Variants in TMEM132D observed in about 807,000 individuals in gnomAD.
TMEM132D encodes the protein transmembrane protein 132D.
Under a neutral mutation model 62.3 loss-of-function variants are expected in TMEM132D, and 21 were observed. The observed-to-expected ratio is 0.34, with a 90% CI of 0.24 to 0.49. TMEM132D has a LOEUF of 0.49. TMEM132D is among the 20% of genes least tolerant of loss of function. The probability of loss-of-function intolerance (pLI) is 0.99; values close to 1 mark genes in which losing one functional copy is unlikely to be tolerated. For missense variants in TMEM132D, 1,346 were observed against 1,402.8 expected, an observed-to-expected ratio of 0.96 and a Z score of 0.65; for synonymous variants, 621 against 575.6, an observed-to-expected ratio of 1.08 and a Z score of -1.13.
chr12:129,704,679 T>C (rs951730334), intron 1 of TMEM132D, among the ~76,000 whole-genome samples: 1 of 146,366 alleles, frequency 6.8e-6, no homozygotes, highest in Non-Finnish European at 1.5e-5. Context: ...CCCCCAGGGA[T>C]GCCGGGTCAT....
At chr12:129,617,623 G>C (rs550647674) in intron 2 of TMEM132D, among the ~76,000 whole-genome samples, 270 of 152,256 alleles carry the variant, frequency 1.8e-3, no homozygotes, top group Middle Eastern at 0.014. Context: ...GAGAGATGGA[G>C]TCACAGGTGC....
intron 1 of TMEM132D, among the ~76,000 whole-genome samples, chr12:129,729,305 TC>T (rs1869140248): frequency 6.6e-6 from 1 of 152,196 alleles, no homozygotes. Flanking sequence ...AATAACTCAG[TC>T]CAGGGTTTCT....
intron 1 of TMEM132D, among the ~76,000 whole-genome samples, chr12:129,859,810 C>T (rs1432024693): frequency 6.6e-6 from 1 of 152,152 alleles, no homozygotes; most frequent in East Asian, 1.9e-4. Flanking sequence ...TGGCCACAGG[C>T]TGATTGGTGG....
intron 3 of TMEM132D, among the ~76,000 whole-genome samples, chr12:129,456,744 C>A (rs932517002): frequency 6.6e-6 from 1 of 152,290 alleles, no homozygotes; most frequent in Admixed American, 6.5e-5. Context: ...CATCCCAGTC[C>A]ACTCTTGTTT....
chr12:129,488,636 G>A (rs1191072317), intron 3 of TMEM132D, among the ~76,000 whole-genome samples: 2 of 152,152 alleles, frequency 1.3e-5, no homozygotes, highest in Non-Finnish European at 2.9e-5. Context: ...TCACACCATA[G>A]CACTCCAACC....
intron 3 of TMEM132D, among the ~76,000 whole-genome samples, chr12:129,352,898 A>T (rs185976140): frequency 3.9e-5 from 6 of 152,322 alleles, no homozygotes; most frequent in Admixed American, 3.9e-4. Context: ...TGACCCAGCA[A>T]TCCCATTACT....
intron 1 of TMEM132D, among the ~76,000 whole-genome samples, chr12:129,785,607 A>C (rs530769159): frequency 3.3e-5 from 5 of 152,284 alleles, no homozygotes; most frequent in Admixed American, 3.3e-4. Flanking sequence ...AGCTTTCTTC[A>C]TGTGGTGTTT....
At chr12:129,172,258 C>G (rs1024864436) in intron 5 of TMEM132D, among the ~76,000 whole-genome samples, 2 of 152,266 alleles carry the variant, frequency 1.3e-5, no homozygotes, top group Non-Finnish European at 2.9e-5. Context: ...TAGCCTTGCT[C>G]TGGATTAGGC....
At chr12:129,340,167 C>T (rs1320124005) in intron 3 of TMEM132D, among the ~76,000 whole-genome samples, 1 of 152,148 alleles carries the variant, frequency 6.6e-6, no homozygotes, top group African/African-American at 2.4e-5. Flanking sequence ...TGTAACCTTA[C>T]GTGATTGTTC....
chr12:129,230,758 T>C (rs1879616473), intron 4 of TMEM132D, among the ~76,000 whole-genome samples: 1 of 152,202 alleles, frequency 6.6e-6, no homozygotes, highest in Admixed American at 6.5e-5. Flanking sequence ...AGTCACTGGG[T>C]TCAAGAAGCA....
At chr12:129,353,679 G>A (rs1869946031) in intron 3 of TMEM132D, among the ~76,000 whole-genome samples, 1 of 152,128 alleles carries the variant, frequency 6.6e-6, no homozygotes, top group African/African-American at 2.4e-5. Context: ...TCTGGGAATG[G>A]GACCTGCCTG....
At chr12:129,251,219 T>C in intron 4 of TMEM132D, among the ~76,000 whole-genome samples, 1 of 151,234 alleles carries the variant, frequency 6.6e-6, no homozygotes, top group East Asian at 1.9e-4. Flanking sequence ...ATTAGCCGGG[T>C]GTGGTAGTGT....
chr12:129,868,426 A>T (rs575955255), intron 1 of TMEM132D, among the ~76,000 whole-genome samples: 2 of 152,332 alleles, frequency 1.3e-5, no homozygotes, highest in South Asian at 4.1e-4. Context: ...ACTTGTAGTA[A>T]ATAACGTATT....
At chr12:129,218,945 C>G (rs1226284144) in intron 4 of TMEM132D, among the ~76,000 whole-genome samples, 1 of 152,122 alleles carries the variant, frequency 6.6e-6, no homozygotes, top group Non-Finnish European at 1.5e-5. Flanking sequence ...GAGGATTCTC[C>G]CAGAATTGTC....
chr12:129,555,866 A>G (rs964166726), intron 2 of TMEM132D, among the ~76,000 whole-genome samples: 3 of 152,232 alleles, frequency 2.0e-5, no homozygotes, highest in African/African-American at 7.2e-5. Flanking sequence ...ATTTAAGTAC[A>G]AAGATTTTCT....
rs180693974 is a variant in TMEM132D at position 129,406,936 on chromosome 12, T to C, written c.1116-69119A>G. Reference sequence around the variant, plus strand: ...CTGTCTCGTATCTGCCTGCTTCCAATCCACCGTGCATATTAATGACAGATT... The same window carrying C: ...CTGTCTCGTATCTGCCTGCTTCCAACCCACCGTGCATATTAATGACAGATT... On this transcript the variant is annotated intron_variant, in intron 3 of 8. Coordinates refer to ENST00000422113, the MANE Select transcript of TMEM132D (RefSeq NM_133448.3). Among the ~76,000 whole-genome samples, 600 of 152,300 alleles carry C rather than the reference T, an allele frequency of 3.9e-3. 9 individuals carry two copies. Among genetic ancestry groups the C allele is most frequent in the Non-Finnish European group, 2.7e-3 (181 of 68,028 alleles).
intron 1 of TMEM132D, among the ~76,000 whole-genome samples, chr12:129,747,075 T>A (rs963244670): frequency 8.1e-6 from 1 of 123,254 alleles, no homozygotes; most frequent in Non-Finnish European, 1.8e-5. Flanking sequence ...AATCAGTTCG[T>A]GGAGCCCAGG....
intron 2 of TMEM132D, among the ~76,000 whole-genome samples, chr12:129,673,812 T>G (rs1011949898): frequency 3.3e-5 from 5 of 152,148 alleles, no homozygotes; most frequent in Admixed American, 6.6e-5. Context: ...CTTAAGAGTG[T>G]GATTCAAAGG....
chr12:129,195,814 G>GAA (rs369050381), intron 5 of TMEM132D, among the ~76,000 whole-genome samples: 6 of 152,094 alleles, frequency 3.9e-5, no homozygotes, highest in African/African-American at 1.4e-4. Context: ...TTCAACAACA[G>GAA]AAAAAAACTG....
Sources: allele counts gnomAD v4.1 joint callset (sites outside exome capture counted in the v4.1 genomes callset), GRCh38; gene constraint gnomAD v4.1.1; transcripts MANE v1.5; gene names NCBI Gene and HGNC (gene_info 2026-07-23, HGNC 2026-07-21).